The following CACNA2D3 variants were observed in gnomAD, a reference collection of about 807,000 sequenced individuals.
The protein encoded by CACNA2D3 is calcium voltage-gated channel auxiliary subunit alpha2delta 3.
In CACNA2D3, 60 loss-of-function variants were observed where a neutral mutation model predicts 160.6. That is an observed-to-expected ratio of 0.37 (90% CI 0.30 to 0.46). CACNA2D3 has a LOEUF of 0.46. Ranked by LOEUF, CACNA2D3 falls within the 20% of genes least tolerant of loss-of-function variation. CACNA2D3 has a pLI of 1.00. For missense variants in CACNA2D3, 1,205 were observed against 1,365.0 expected (o/e 0.88, Z 1.85); for synonymous variants, 558 against 492.9 (o/e 1.13, Z -1.75).
At chr3:55,000,361 G>A (rs989320134) in intron 31 of CACNA2D3, among the ~76,000 whole-genome samples, 5 of 152,044 alleles carry the variant, frequency 3.3e-5, no homozygotes, top group African/African-American at 1.2e-4. Flanking sequence ...TTGTAACCTC[G>A]TCAATGGCAA....
intron 4 of CACNA2D3, among the ~76,000 whole-genome samples, chr3:54,487,962 G>A (rs1701043068): frequency 6.6e-6 from 1 of 152,174 alleles, no homozygotes. Flanking sequence ...TGACTGGAAA[G>A]GTACAGGAGG....
At chr3:54,247,044 G>GTT (rs1284739234) in intron 2 of CACNA2D3, among the ~76,000 whole-genome samples, 11 of 152,178 alleles carry the variant, frequency 7.2e-5, no homozygotes, top group African/African-American at 2.2e-4. Context: ...GGGCGTGGTG[G>GTT]TTCACGCCTG....
At chr3:54,192,671 GGTGT>G (rs147191768) in intron 2 of CACNA2D3, among the ~76,000 whole-genome samples, 670 of 149,692 alleles carry the variant, frequency 4.5e-3, no homozygotes, top group Non-Finnish European at 7.8e-3. Context: ...CCATATGTGA[GGTGT>G]GTGTGTGTGT....
At chr3:54,995,316 T>A (rs566849331) in intron 31 of CACNA2D3, among the ~76,000 whole-genome samples, 1 of 152,256 alleles carries the variant, frequency 6.6e-6, no homozygotes, top group East Asian at 1.9e-4. Flanking sequence ...ATGTATTAGT[T>A]AGAATTGGTC....
chr3:54,528,780 A>G (rs1701763471), intron 5 of CACNA2D3, among the ~76,000 whole-genome samples: 1 of 152,182 alleles, frequency 6.6e-6, no homozygotes, highest in Non-Finnish European at 1.5e-5. Context: ...TGCCCCTTAA[A>G]CATGCAAATT....
chr3:54,415,852 A>T (rs1402666864), intron 4 of CACNA2D3, among the ~76,000 whole-genome samples: 1 of 152,208 alleles, frequency 6.6e-6, no homozygotes, highest in East Asian at 1.9e-4. Context: ...ATTGCCTCAG[A>T]GGACCATAGG....
intron 27 of CACNA2D3, among the ~76,000 whole-genome samples, chr3:54,906,407 G>A (rs1260695116): frequency 2.0e-5 from 3 of 152,204 alleles, no homozygotes; most frequent in Non-Finnish European, 2.9e-5. Context: ...CAGGTTGGGG[G>A]TGGTTTGAGA....
At chr3:54,634,726 A>T (rs552556351) in intron 10 of CACNA2D3, among the ~76,000 whole-genome samples, 1 of 152,158 alleles carries the variant, frequency 6.6e-6, no homozygotes, top group Non-Finnish European at 1.5e-5. Flanking sequence ...AGCCAGGATG[A>T]GCCAGGAAAA....
chr3:54,500,113 A>T (rs1047573883), intron 4 of CACNA2D3, among the ~76,000 whole-genome samples: 14 of 152,180 alleles, frequency 9.2e-5, no homozygotes, highest in African/African-American at 3.4e-4. Flanking sequence ...TTGTCTTCTT[A>T]GAGAATTAAC....
chr3:54,356,959 C>A (rs889445963), intron 3 of CACNA2D3, among the ~76,000 whole-genome samples: 5 of 152,112 alleles, frequency 3.3e-5, no homozygotes, highest in Admixed American at 3.3e-4. Context: ...TTGCATGAAG[C>A]TTACTTAGGG....
At chr3:55,039,357 T>C (rs1297646296) in intron 35 of CACNA2D3, among the ~76,000 whole-genome samples, 1 of 152,206 alleles carries the variant, frequency 6.6e-6, no homozygotes, top group African/African-American at 2.4e-5. Flanking sequence ...AGAAAAATTC[T>C]GATTTGATGC....
At chr3:54,425,113 T>C (rs1575447850) in intron 4 of CACNA2D3, among the ~76,000 whole-genome samples, 1 of 152,272 alleles carries the variant, frequency 6.6e-6, no homozygotes, top group African/African-American at 2.4e-5. Context: ...GTGTATCGCC[T>C]GAGGTCAGGA....
At chr3:54,238,355 G>T (rs1206184757) in intron 2 of CACNA2D3, among the ~76,000 whole-genome samples, 1 of 152,152 alleles carries the variant, frequency 6.6e-6, no homozygotes, top group Non-Finnish European at 1.5e-5. Flanking sequence ...GCAAATTGTG[G>T]CTGAACCCAG....
chr3:55,018,695 T>TA (rs1703381084), intron 35 of CACNA2D3, among the ~76,000 whole-genome samples: 1 of 152,112 alleles, frequency 6.6e-6, no homozygotes. Flanking sequence ...CCAAACCTGA[T>TA]AAATTGGAAA....
chr3:54,609,260 G>A (rs1478078770), intron 9 of CACNA2D3, among the ~76,000 whole-genome samples: 1 of 152,134 alleles, frequency 6.6e-6, no homozygotes, highest in Non-Finnish European at 1.5e-5. Flanking sequence ...AGGAGGCCTC[G>A]GGAGAAGCCA....
chr3:54,652,946 C>T (rs1437951533), intron 11 of CACNA2D3, among the ~76,000 whole-genome samples: 1 of 152,036 alleles, frequency 6.6e-6, no homozygotes, highest in Admixed American at 6.5e-5. Flanking sequence ...CCACACCCGG[C>T]TAATTTTTGT....
At position 54,139,369 on chromosome 3, in the gene CACNA2D3, G is replaced by A. The variant is rs148790160; in HGVS notation, c.204+15775G>A. Reference sequence around the variant, plus strand: ...TGTCCAGCAGGCTCAGCAGACTCACGCCTGCCCACGCTCTGCAGACAAGGC... The same window carrying A: ...TGTCCAGCAGGCTCAGCAGACTCACACCTGCCCACGCTCTGCAGACAAGGC... On this transcript the variant is annotated intron_variant, in intron 2 of 37. Transcript: ENST00000474759. 6.1e-3 allele frequency among the ~76,000 whole-genome samples: 936 copies of A among 152,360 alleles called. 7 individuals carry two copies. The highest frequency in any genetic ancestry group is 0.01 in the Non-Finnish European group (687 of 68,024).
chr3:54,191,801 G>A (rs184365507), intron 2 of CACNA2D3, among the ~76,000 whole-genome samples: 3 of 152,198 alleles, frequency 2.0e-5, no homozygotes, highest in Non-Finnish European at 4.4e-5. Flanking sequence ...CCCTACCTGC[G>A]CAGGGCTGCC....
In CACNA2D3 at chr3:54,752,688, G is replaced by A. The variant is rs373491418; in HGVS notation, c.1246+11G>A. The A allele has an allele frequency of 2.4e-5, 38 of 1,602,954 alleles. No individual in the cohort carries two copies. The African/African-American group carries it at 3.2e-4, about 14-fold the overall frequency. On this transcript the variant is annotated intron_variant, in intron 12 of 37. Transcript: ENST00000474759. ...CCTGTGCCAACAAAGGTGGGTCTTC[G>A]CATTGTGCTCGGCTCTGAATAACTT...
Sources: gnomAD v4.1 joint callset for allele counts (sites outside exome capture counted in the v4.1 genomes callset) on GRCh38, gnomAD v4.1.1 for gene constraint, MANE v1.5 for transcripts, NCBI Gene and HGNC (gene_info 2026-07-23, HGNC 2026-07-21) for gene names.